The following RALGPS2 variants were observed in gnomAD, a reference collection of about 807,000 sequenced individuals.
The protein encoded by RALGPS2 is ras-specific guanine nucleotide-releasing factor RalGPS2.
A neutral mutation model predicts 86.8 loss-of-function variants in RALGPS2; 43 were observed. That is an observed-to-expected ratio of 0.50 (90% confidence interval 0.39 to 0.64). RALGPS2 has a LOEUF of 0.64. RALGPS2 is among the 30% of genes least tolerant of loss of function. The pLI is 0.00. For missense variants in RALGPS2, 536 were observed against 694.6 expected (o/e 0.77, Z 2.57); for synonymous variants, 243 against 231.3 (o/e 1.05, Z -0.46).
At position 178,917,947 on chromosome 1, in the gene RALGPS2, A is replaced by T. The variant is rs932391167; in HGVS notation, c.*1588A>T. 9 of 152,186 alleles carry T rather than the reference A, an allele frequency of 5.9e-5. No homozygotes were observed. The highest frequency in any genetic ancestry group is 1.3e-4 in the Non-Finnish European group (9 of 68,006). The allele number at this position is 152,186 out of a possible 1,614,324, so 9.4% of individuals were successfully genotyped here. ...TTAGAGAATTTTATACTTTTTTATT[A>T]TAAGTATTTTGCCCTTGAGTCCATG... On this transcript the variant is annotated 3_prime_UTR_variant, in exon 20 of 20. Coordinates refer to ENST00000367635, the MANE Select transcript of RALGPS2 (RefSeq NM_152663.5).
chr1:178,738,416 C>A (rs935260386), intron 1 of RALGPS2, among the ~76,000 whole-genome samples: 1 of 151,804 alleles, frequency 6.6e-6, no homozygotes, highest in African/African-American at 2.4e-5. Context: ...ACCATGTTGC[C>A]CAGGCTGGTC....
At chr1:178,844,016 TTTCTA>T (rs1656745097) in intron 8 of RALGPS2, among the ~76,000 whole-genome samples, 1 of 152,292 alleles carries the variant, frequency 6.6e-6, no homozygotes, top group African/African-American at 2.4e-5. Context: ...TCAGAATCCT[TTTCTA>T]TTCATGTGAA....
chr1:178,787,450 T>C (rs911562223), intron 4 of RALGPS2, among the ~76,000 whole-genome samples: 1 of 152,222 alleles, frequency 6.6e-6, no homozygotes, highest in Non-Finnish European at 1.5e-5. Flanking sequence ...TAAAAAATTA[T>C]TGAGATATCT....
chr1:178,785,207 T>G (rs560778471), intron 3 of RALGPS2, among the ~76,000 whole-genome samples: 1 of 152,164 alleles, frequency 6.6e-6, no homozygotes, highest in Admixed American at 6.5e-5. Context: ...AATATCTGAT[T>G]TTATACCACT....
intron 8 of RALGPS2, chr1:178,865,528 C>T (rs896828505): frequency 3.1e-6 from 5 of 1,614,020 alleles, no homozygotes; most frequent in Non-Finnish European, 4.2e-6. Flanking sequence ...TTTCAAGGTC[C>T]ATCCTGGTGA....
chr1:178,827,317 C>T (rs1655790923), intron 7 of RALGPS2, among the ~76,000 whole-genome samples: 1 of 151,202 alleles, frequency 6.6e-6, no homozygotes, highest in South Asian at 2.1e-4. Context: ...CTAAAATTCA[C>T]ATGGAATCAC....
chr1:178,780,217 A>T (rs1653322790), intron 2 of RALGPS2, among the ~76,000 whole-genome samples: 1 of 152,168 alleles, frequency 6.6e-6, no homozygotes, highest in Non-Finnish European at 1.5e-5. Flanking sequence ...GGAGAGGATC[A>T]CACAGGGTTG....
chr1:178,895,383 G>A (rs1659895118), intron 16 of RALGPS2, among the ~76,000 whole-genome samples: 1 of 152,028 alleles, frequency 6.6e-6, no homozygotes, highest in African/African-American at 2.4e-5. Flanking sequence ...TTGTGTGCTG[G>A]ATGCTAGAAA....
intron 4 of RALGPS2, among the ~76,000 whole-genome samples, chr1:178,798,341 T>A (rs1654303270): frequency 6.6e-6 from 1 of 152,218 alleles, no homozygotes; most frequent in Non-Finnish European, 1.5e-5. Flanking sequence ...CTGAAAATGA[T>A]GATGCTAATC....
chr1:178,877,426 TC>T (rs1319016133), intron 8 of RALGPS2, 71 bp from the exon 9 acceptor site: 28 of 1,586,720 alleles, frequency 1.8e-5, no homozygotes, highest in Non-Finnish European at 2.3e-5. Flanking sequence ...AACAACCCCT[TC>T]CCCCCTTTTC....
At chr1:178,857,300 A>G (rs1167812643) in intron 8 of RALGPS2, among the ~76,000 whole-genome samples, 2 of 152,200 alleles carry the variant, frequency 1.3e-5, no homozygotes, top group African/African-American at 2.4e-5. Flanking sequence ...ATATGAAACT[A>G]TGTGATTCCT....
intron 7 of RALGPS2, among the ~76,000 whole-genome samples, chr1:178,828,702 A>C (rs773711591): frequency 6.6e-6 from 1 of 152,232 alleles, no homozygotes; most frequent in Non-Finnish European, 1.5e-5. Flanking sequence ...GGGCAGTGCA[A>C]ATCAAAACCA....
chr1:178,736,499 G>A (rs1572268707), intron 1 of RALGPS2, among the ~76,000 whole-genome samples: 2 of 152,046 alleles, frequency 1.3e-5, no homozygotes, highest in South Asian at 4.1e-4. Context: ...TGAAAGTACT[G>A]TTTTCATATG....
At chr1:178,877,449 C>T in intron 8 of RALGPS2, 49 bp from the exon 9 acceptor site, 1 of 1,605,218 alleles carries the variant, frequency 6.2e-7, no homozygotes. Context: ...TTGTCATAGT[C>T]TCCCAACCTA....
At chr1:178,820,107 C>T (rs1229109781) in intron 6 of RALGPS2, among the ~76,000 whole-genome samples, 2 of 152,132 alleles carry the variant, frequency 1.3e-5, no homozygotes, top group Admixed American at 1.3e-4. Flanking sequence ...TGGAGCAAAA[C>T]ATGTAATTAT....
At chr1:178,731,272 GTTTTTTT>G (rs57628726) in intron 1 of RALGPS2, among the ~76,000 whole-genome samples, 39 of 57,964 alleles carry the variant, frequency 6.7e-4, no homozygotes, top group African/African-American at 2.3e-3. Flanking sequence ...AGTTGTTTTG[GTTTTTTT>G]TTTTTTTTTT....
At chr1:178,803,678 G>T (rs1449755903) in intron 4 of RALGPS2, among the ~76,000 whole-genome samples, 1 of 149,028 alleles carries the variant, frequency 6.7e-6, no homozygotes, top group East Asian at 1.9e-4. Context: ...TTTTGCTATA[G>T]AATTGCTTTT....
chr1:178,747,646 TC>T, intron 1 of RALGPS2: 1 of 1,551,214 alleles, frequency 6.4e-7, no homozygotes, highest in Non-Finnish European at 8.9e-7. Flanking sequence ...ATTAATATAA[TC>T]ATTCTCAGCA....
intron 8 of RALGPS2, among the ~76,000 whole-genome samples, chr1:178,864,567 G>C (rs1341455417): frequency 2.0e-5 from 3 of 152,136 alleles, no homozygotes; most frequent in African/African-American, 4.8e-5. Flanking sequence ...TGATGTACAA[G>C]CAGCAGGAAG....
Sources: allele counts gnomAD v4.1 joint callset (sites outside exome capture counted in the v4.1 genomes callset), GRCh38; gene constraint gnomAD v4.1.1; transcripts MANE v1.5; gene names NCBI Gene and HGNC (gene_info 2026-07-23, HGNC 2026-07-21).